The following SHANK2 variants were observed in gnomAD, a reference collection of about 807,000 sequenced individuals.
The protein encoded by SHANK2 is SH3 and multiple ankyrin repeat domains 2, also known as SH3 and multiple ankyrin repeat domains protein 2.
SHANK2 carries 43 observed loss-of-function variants against 133.7 expected under a neutral mutation model. The observed-to-expected ratio is 0.32, with a 90% CI of 0.25 to 0.41. SHANK2 has a LOEUF of 0.41. Among genes scored for constraint, SHANK2 ranks in the 10% least tolerant of loss-of-function variants. The probability of loss-of-function intolerance (pLI) is 1.00; values close to 1 mark genes in which losing one functional copy is unlikely to be tolerated. For synonymous variants in SHANK2, 1,017 were observed against 952.8 expected, an observed-to-expected ratio of 1.07 and a Z score of -1.24; for missense variants, 1,994 against 2,235.8, an observed-to-expected ratio of 0.89 and a Z score of 2.18.
chr11:70,898,312 ATATATATATGTG>A (rs1330831710), intron 10 of SHANK2, among the ~76,000 whole-genome samples: 2 of 144,946 alleles, frequency 1.4e-5, no homozygotes, highest in Non-Finnish European at 3.0e-5. Flanking sequence ...ACACACACAC[ATATATATATGTG>A]TATATATATA....
At chr11:71,153,262 G>A (rs1356408377) in intron 2 of SHANK2, among the ~76,000 whole-genome samples, 1 of 139,150 alleles carries the variant, frequency 7.2e-6, no homozygotes, top group African/African-American at 2.6e-5. Context: ...CGGGGCAACC[G>A]TTTTCTGTGT....
intron 14 of SHANK2, among the ~76,000 whole-genome samples, chr11:70,713,335 C>T (rs541014405): frequency 1.3e-5 from 2 of 152,260 alleles, no homozygotes; most frequent in Non-Finnish European, 2.9e-5. Flanking sequence ...GTTGGTTGTA[C>T]TGCAAGATGA....
At chr11:71,246,692 A>G (rs1591050443) in intron 1 of SHANK2, among the ~76,000 whole-genome samples, 1 of 151,884 alleles carries the variant, frequency 6.6e-6, no homozygotes, top group African/African-American at 2.4e-5. Flanking sequence ...CCTCCCTAAC[A>G]TCCCTGAGGC....
chr11:71,164,718 A>C (rs1555110493), intron 2 of SHANK2, among the ~76,000 whole-genome samples: 17 of 152,244 alleles, frequency 1.1e-4, no homozygotes, highest in Non-Finnish European at 1.5e-5. Flanking sequence ...CTTGTACACT[A>C]AACAGATTTC....
At chr11:71,200,633 A>C (rs1332985930) in intron 2 of SHANK2, among the ~76,000 whole-genome samples, 1 of 152,106 alleles carries the variant, frequency 6.6e-6, no homozygotes, top group Non-Finnish European at 1.5e-5. Context: ...TTTTTTTAGG[A>C]CTTGCCAGGC....
At chr11:70,950,169 C>G (rs1555086230) in intron 10 of SHANK2, 1 of 455,302 alleles carries the variant, frequency 2.2e-6, no homozygotes, top group African/African-American at 2.0e-5. Flanking sequence ...AGTGATTCTC[C>G]TGCCTCAGCC....
At chr11:71,127,690 T>C (rs1296743526) in intron 3 of SHANK2, among the ~76,000 whole-genome samples, 3 of 152,222 alleles carry the variant, frequency 2.0e-5, no homozygotes, top group African/African-American at 7.2e-5. Context: ...ACATACTTAA[T>C]AGACTACATA....
chr11:70,643,050 C>G (rs1015401723), intron 17 of SHANK2, among the ~76,000 whole-genome samples: 2 of 152,106 alleles, frequency 1.3e-5, no homozygotes, highest in Non-Finnish European at 2.9e-5. Flanking sequence ...CACATGGGCC[C>G]GTACATATGT....
rs142013650 is a variant in SHANK2, at chr11:70,876,310, C to T, written c.1174+20191G>A. ...GGTGCGGTGGCTCACGCCTGTAATC[C>T]CAGCACTTTGGGAGGCCGAGGCGGG... On this transcript the variant is annotated intron_variant, in intron 11 of 25. Coordinates refer to ENST00000601538, the MANE Select transcript of SHANK2 (RefSeq NM_012309.5). Among the ~76,000 whole-genome samples, 1,083 of 147,010 alleles carry T rather than the reference C, an allele frequency of 7.4e-3. 14 individuals carry two copies. Among genetic ancestry groups the T allele is most frequent in the African/African-American group, 0.026 (1,043 of 39,700 alleles).
intron 25 of SHANK2, chr11:70,477,206 T>G (rs2058675494): frequency 6.6e-6 from 1 of 152,064 alleles, no homozygotes; most frequent in African/African-American, 2.4e-5. Context: ...CAAATGAAAA[T>G]GACAAATGGA....
chr11:71,128,677 G>C (rs181179865), intron 3 of SHANK2, among the ~76,000 whole-genome samples: 1 of 152,106 alleles, frequency 6.6e-6, no homozygotes, highest in Non-Finnish European at 1.5e-5. Context: ...ACATCTTCCC[G>C]TCCCTCCTAC....
chr11:71,131,877 T>C (rs1377365683), intron 3 of SHANK2, among the ~76,000 whole-genome samples: 1 of 152,188 alleles, frequency 6.6e-6, no homozygotes, highest in Non-Finnish European at 1.5e-5. Context: ...GGAGGCCGCA[T>C]TAGCACCCCC....
intron 11 of SHANK2, among the ~76,000 whole-genome samples, chr11:70,883,509 G>A (rs1159455804): frequency 6.6e-6 from 1 of 152,162 alleles, no homozygotes; most frequent in Non-Finnish European, 1.5e-5. Flanking sequence ...GAAATGACAT[G>A]GGCAGGGACA....
intron 14 of SHANK2, among the ~76,000 whole-genome samples, chr11:70,764,435 C>G (rs1227994858): frequency 2.0e-5 from 3 of 150,870 alleles, no homozygotes; most frequent in African/African-American, 4.9e-5. Flanking sequence ...ACCCATACAT[C>G]CACACATGCA....
chr11:70,639,038 A>G (rs1422304022), intron 17 of SHANK2, among the ~76,000 whole-genome samples: 1 of 151,872 alleles, frequency 6.6e-6, no homozygotes, highest in Non-Finnish European at 1.5e-5. Context: ...AAAAACATTG[A>G]GAGTCCATGG....
intron 2 of SHANK2, among the ~76,000 whole-genome samples, chr11:71,191,598 C>T (rs533321386): frequency 3.3e-5 from 5 of 152,246 alleles, no homozygotes; most frequent in East Asian, 3.9e-4. Context: ...CTCTGTCTGT[C>T]ACCCAGACTG....
chr11:70,888,796 G>A (rs982850787), intron 11 of SHANK2, among the ~76,000 whole-genome samples: 16 of 151,418 alleles, frequency 1.1e-4, no homozygotes, highest in African/African-American at 3.7e-4. Flanking sequence ...CAGCCTGGGC[G>A]ACAGAGGGAG....
intron 17 of SHANK2, among the ~76,000 whole-genome samples, chr11:70,572,445 C>G (rs1215633611): frequency 6.6e-6 from 1 of 152,198 alleles, no homozygotes; most frequent in Non-Finnish European, 1.5e-5. Flanking sequence ...CAGCCGTGAG[C>G]CACCATGCCT....
chr11:70,639,479 T>TTCATGACC (rs1221763030), intron 17 of SHANK2, among the ~76,000 whole-genome samples: 1 of 152,118 alleles, frequency 6.6e-6, no homozygotes, highest in African/African-American at 2.4e-5. Context: ...GGGACCCACC[T>TTCATGACC]TCATGACCTC....
Sources: allele counts gnomAD v4.1 joint callset (sites outside exome capture counted in the v4.1 genomes callset), GRCh38; gene constraint gnomAD v4.1.1; transcripts MANE v1.5; gene names NCBI Gene and HGNC (gene_info 2026-07-23, HGNC 2026-07-21).